Variants in CFAP221 observed in about 807,000 individuals in gnomAD.
The protein encoded by CFAP221 is cilia and flagella associated protein 221, also known as cilia- and flagella-associated protein 221.
CFAP221 carries 97 observed loss-of-function variants against 113.1 expected under a neutral mutation model. That is an observed-to-expected ratio of 0.86 (90% CI 0.73 to 1.02). The LOEUF is 1.02. CFAP221 is among the 50% of genes least tolerant of loss of function. The pLI, the probability that CFAP221 is intolerant of heterozygous loss-of-function variation, is 0.00. For synonymous variants in CFAP221, 331 were observed against 354.4 expected (o/e 0.93, Z 0.74); for missense variants, 1,025 against 1,013.4 (o/e 1.01, Z -0.16).
chr2:119,604,590 G>T, intron 8 of CFAP221, 82 bp from the exon 9 acceptor site: 9 of 1,295,730 alleles, frequency 6.9e-6, no homozygotes, highest in Non-Finnish European at 9.2e-6. Context: ...TCAAGTTGTG[G>T]TGTTATCAGA....
rs1395770395 is a variant in CFAP221 at position 119,615,663 on chromosome 2, T to G, written c.1364T>G (p.Leu455Arg). The G allele has an allele frequency of 6.2e-7, 1 of 1,613,352 alleles. No homozygotes were observed. Among genetic ancestry groups the G allele is most frequent in the South Asian group, 1.1e-5 (1 of 90,856 alleles). The change falls in exon 14 of 24, where the codon CTC becomes CGC. Residue 455 changes from leucine to arginine, a missense_variant. By Grantham distance (102) the Leu-to-Arg change is moderately radical (BLOSUM62 -2). Coordinates refer to ENST00000413369, the MANE Select transcript of CFAP221 (RefSeq NM_001271049.2). ...GATCCACTCATTAATAACACTTGGC[T>G]CAGCAGGTCCAGGGCACAAAAACGG... ...TFDPLINNTW[L>R]SRSRAQKRFQ... is the part of the protein sequence containing the mutation.
At chr2:119,618,709 G>A (rs1210135639) in intron 14 of CFAP221, among the ~76,000 whole-genome samples, 1 of 152,136 alleles carries the variant, frequency 6.6e-6, no homozygotes, top group African/African-American at 2.4e-5. Flanking sequence ...TCATACCCCA[G>A]TGGTGCCTAG....
intron 6 of CFAP221, among the ~76,000 whole-genome samples, chr2:119,567,668 G>A (rs79805766): frequency 6.6e-6 from 1 of 152,310 alleles, no homozygotes; most frequent in East Asian, 1.9e-4. Context: ...TATGGTAAGA[G>A]TATGTTTAGT....
At chr2:119,549,592 A>G (rs988417378) in intron 3 of CFAP221, among the ~76,000 whole-genome samples, 2 of 152,250 alleles carry the variant, frequency 1.3e-5, no homozygotes, top group African/African-American at 4.8e-5. Flanking sequence ...GCTTAGTGTC[A>G]GAGGCAGAAT....
At chr2:119,631,089 C>T in intron 19 of CFAP221, 188 bp downstream of exon 19, 1 of 1,271,088 alleles carries the variant, frequency 7.9e-7, no homozygotes, top group South Asian at 2.9e-5. Flanking sequence ...CGTCTTTTAG[C>T]AATTCCTGCA....
intron 20 of CFAP221, among the ~76,000 whole-genome samples, 177 bp downstream of exon 20, chr2:119,638,594 G>A (rs545280362): frequency 6.6e-6 from 1 of 152,248 alleles, no homozygotes; most frequent in Non-Finnish European, 1.5e-5. Flanking sequence ...TGGAGACCCC[G>A]CACCGCCTTG....
intron 19 of CFAP221, among the ~76,000 whole-genome samples, chr2:119,634,020 A>G (rs951167415): frequency 2.6e-5 from 4 of 152,254 alleles, no homozygotes; most frequent in Non-Finnish European, 5.9e-5. Context: ...AGGCAGGAGG[A>G]CCTCTTGAGT....
In CFAP221 at chr2:119,637,781, A is replaced by G. The variant is rs535117516; in HGVS notation, c.1975-478A>G. Among the ~76,000 whole-genome samples, 75 of 152,338 alleles carry G rather than the reference A, an allele frequency of 4.9e-4. 1 individual carries two copies. Among genetic ancestry groups the G allele is most frequent in the South Asian group, 4.1e-4 (2 of 4,822 alleles). On this transcript the variant is annotated intron_variant, in intron 19 of 23. Coordinates refer to ENST00000413369, the MANE Select transcript of CFAP221 (RefSeq NM_001271049.2). ...CTGAATCAAACACATTACCAAAACA[A>G]TGTTAAATGTTGACATTTCCTGATA...
At chr2:119,555,526 G>A (rs1208166761) in intron 3 of CFAP221, among the ~76,000 whole-genome samples, 1 of 152,012 alleles carries the variant, frequency 6.6e-6, no homozygotes, top group Non-Finnish European at 1.5e-5. Flanking sequence ...ATTTTCCCCA[G>A]TTTTAGTTAT....
intron 21 of CFAP221, among the ~76,000 whole-genome samples, chr2:119,646,604 A>G (rs1304163449): frequency 3.3e-5 from 5 of 152,154 alleles, no homozygotes; most frequent in Admixed American, 3.3e-4. Flanking sequence ...AACACTGGGG[A>G]TTACTATTCA....
chr2:119,588,144 T>A (rs1394081713), intron 7 of CFAP221, among the ~76,000 whole-genome samples: 1 of 152,184 alleles, frequency 6.6e-6, no homozygotes, highest in Non-Finnish European at 1.5e-5. Flanking sequence ...AGATGTTAAG[T>A]ATAGTTGATA....
At chr2:119,644,010 A>G (rs559599001) in intron 21 of CFAP221, among the ~76,000 whole-genome samples, 21 of 152,052 alleles carry the variant, frequency 1.4e-4, no homozygotes, top group African/African-American at 4.8e-4. Flanking sequence ...AAAATTAGTT[A>G]GGTATGGTGG....
At chr2:119,613,020 G>A (rs564225791) in intron 13 of CFAP221, among the ~76,000 whole-genome samples, 6 of 152,204 alleles carry the variant, frequency 3.9e-5, no homozygotes, top group Non-Finnish European at 8.8e-5. Context: ...CCAAAACAAA[G>A]GGGCTACAAG....
intron 12 of CFAP221, 69 bp downstream of exon 12, chr2:119,608,658 A>G: frequency 7.5e-7 from 1 of 1,334,064 alleles, no homozygotes; most frequent in Non-Finnish European, 1.1e-6. Context: ...TATATGCAAG[A>G]TGCCAGGTGG....
intron 7 of CFAP221, among the ~76,000 whole-genome samples, chr2:119,593,522 G>A (rs1045662241): frequency 3.3e-5 from 5 of 152,120 alleles, no homozygotes; most frequent in African/African-American, 1.2e-4. Context: ...AGAGAGAGGT[G>A]GGGAGGTGCC....
At chr2:119,565,222 T>C (rs1423299789) in intron 6 of CFAP221, among the ~76,000 whole-genome samples, 2 of 152,212 alleles carry the variant, frequency 1.3e-5, no homozygotes, top group African/African-American at 4.8e-5. Context: ...AAATGGTCTG[T>C]GCAGGGACCC....
rs77717469 is a variant in CFAP221, at chr2:119,603,876, A to C, written c.792-796A>C. Among the ~76,000 whole-genome samples, 726 of 152,338 alleles carry C rather than the reference A, an allele frequency of 4.8e-3. 9 individuals are homozygous for C. Among genetic ancestry groups the C allele is most frequent in the African/African-American group, 0.017 (686 of 41,574 alleles). ...AGTTCTACTGCATCTCATAACAGAT[A>C]ACCTGAATAGCTTCTGCGGGCTATT... On this transcript the variant is annotated intron_variant, in intron 8 of 23. Coordinates refer to ENST00000413369, the MANE Select transcript of CFAP221 (RefSeq NM_001271049.2).
chr2:119,587,154 C>G lies in CFAP221; in HGVS notation c.563C>G (p.Pro188Arg). The part of the protein sequence containing the change: ...TYVIPLQCSC[P>R]VDFEFYITLI... ...GTTATTCCTTTGCAGTGCAGCTGCC[C>G]TGTAGATTTTGAGTTTTATATCACC... The change falls in exon 7 of 24, where the codon CCT (proline) becomes CGT (arginine). Residue 188 changes from proline to arginine, a missense_variant. Transcript: ENST00000413369. 3 of 1,531,740 alleles carry G rather than the reference C, an allele frequency of 2.0e-6. No homozygotes were observed. The highest frequency in any genetic ancestry group is 1.7e-6 in the Non-Finnish European group (2 of 1,144,778). The allele number at this position is 1,531,740 out of a possible 1,614,324, so 94.9% of individuals were successfully genotyped here.
intron 19 of CFAP221, among the ~76,000 whole-genome samples, chr2:119,633,098 A>G (rs1017901743): frequency 3.3e-5 from 5 of 152,084 alleles, no homozygotes; most frequent in Non-Finnish European, 7.4e-5. Context: ...GTCAGAGGTA[A>G]TTCATTAGAG....
Sources: gnomAD v4.1 joint callset for allele counts (sites outside exome capture counted in the v4.1 genomes callset) on GRCh38, gnomAD v4.1.1 for gene constraint, MANE v1.5 for transcripts, NCBI Gene and HGNC (gene_info 2026-07-23, HGNC 2026-07-21) for gene names.